The following ABI3BP variants were observed in gnomAD, a reference collection of about 807,000 sequenced individuals.
ABI3BP encodes the protein target of Nesh-SH3.
ABI3BP carries 216 observed loss-of-function variants against 268.6 expected under a neutral mutation model. The observed-to-expected ratio is 0.80, with a 90% CI of 0.72 to 0.90. The LOEUF is 0.90. Ranked by LOEUF, ABI3BP falls within the 40% of genes least tolerant of loss-of-function variation. The pLI is 0.00. For synonymous variants in ABI3BP, 730 were observed against 730.0 expected, an observed-to-expected ratio of 1.00 and a Z score of 0.00; for missense variants, 2,090 against 2,182.4, an observed-to-expected ratio of 0.96 and a Z score of 0.84.
intron 28 of ABI3BP, among the ~76,000 whole-genome samples, chr3:100,835,120 A>T (rs149959026): frequency 6.6e-4 from 101 of 152,326 alleles, no homozygotes; most frequent in African/African-American, 2.4e-3. Flanking sequence ...GGGAGAGCGT[A>T]CTAAGAAATT....
At chr3:100,753,968 CTT>C in intron 64 of ABI3BP, 120 bp from the exon 65 acceptor site, 1 of 1,018,654 alleles carries the variant, frequency 9.8e-7, no homozygotes, top group Non-Finnish European at 1.5e-6. Flanking sequence ...AAATGGTACT[CTT>C]TTGCTAAGGA....
intron 1 of ABI3BP, chr3:100,945,527 C>T: frequency 2.7e-6 from 1 of 371,256 alleles, no homozygotes; most frequent in Non-Finnish European, 5.3e-6. Context: ...TAGCTCTAGG[C>T]AACCACTGGT....
chr3:100,823,693 C>T (rs2098294625), intron 36 of ABI3BP, among the ~76,000 whole-genome samples, 179 bp from the exon 37 acceptor site: 2 of 152,086 alleles, frequency 1.3e-5, no homozygotes, highest in Admixed American at 1.3e-4. Context: ...AAACTATAGG[C>T]ATGGTGAGTC....
intron 24 of ABI3BP, among the ~76,000 whole-genome samples, chr3:100,838,895 T>C (rs2098649369): frequency 6.6e-6 from 1 of 152,166 alleles, no homozygotes; most frequent in South Asian, 2.1e-4. Flanking sequence ...TGGCTGCCGA[T>C]GTCTGGGATT....
At chr3:100,761,585 TA>T (rs2095952295) in intron 63 of ABI3BP, among the ~76,000 whole-genome samples, 1 of 152,132 alleles carries the variant, frequency 6.6e-6, no homozygotes, top group South Asian at 2.1e-4. Context: ...GCAGGCTAGA[TA>T]AAAACCTGCT....
At chr3:100,887,284 G>A (rs2042413211) in intron 4 of ABI3BP, among the ~76,000 whole-genome samples, 4 of 152,036 alleles carry the variant, frequency 2.6e-5, no homozygotes. Context: ...AGAACTACAT[G>A]TATCAATGTG....
intron 13 of ABI3BP, 190 bp from the exon 14 acceptor site, chr3:100,862,575 G>C (rs2099010018): frequency 1.7e-6 from 1 of 587,222 alleles, no homozygotes; most frequent in Admixed American, 3.3e-5. Flanking sequence ...TTAGTGGTCA[G>C]AGAGAGACCA....
At chr3:100,788,812 C>G (rs2097122184) in intron 56 of ABI3BP, among the ~76,000 whole-genome samples, 1 of 151,776 alleles carries the variant, frequency 6.6e-6, no homozygotes, top group African/African-American at 2.4e-5. Flanking sequence ...CTTTAAGAGT[C>G]CTTAGAATCA....
chr3:100,977,359 T>G (rs2086763395), intron 1 of ABI3BP, among the ~76,000 whole-genome samples: 1 of 152,196 alleles, frequency 6.6e-6, no homozygotes, highest in Non-Finnish European at 1.5e-5. Context: ...GATCAGGTAC[T>G]TGGGAGGAGC....
At chr3:100,758,958 C>G (rs1007267200) in intron 63 of ABI3BP, among the ~76,000 whole-genome samples, 6 of 152,150 alleles carry the variant, frequency 3.9e-5, no homozygotes, top group African/African-American at 1.4e-4. Context: ...GGAGCAGATG[C>G]TTGCCATTCC....
Position 100,862,894 on chromosome 3 carries a change from G to A in ABI3BP, c.1154C>T (p.Pro385Leu). 1 of 1,535,650 alleles carries A rather than the reference G, an allele frequency of 6.5e-7. No homozygotes were observed. Among genetic ancestry groups the A allele is most frequent in the Non-Finnish European group, 8.7e-7 (1 of 1,146,634 alleles). The change falls in exon 13 of 68, where the codon CCA becomes CTA. Residue 385 changes from proline to leucine, a missense_variant. Coordinates refer to ENST00000471714, the MANE Select transcript of ABI3BP (RefSeq NM_001375547.2). ...PLSTLAPKSL[P>L]EFPEAKTPFP... ...GGGTGTTTTTGCCTCAGGAAATTCT[G>A]GAAGGCTTTTTGGAGCTGTAATGAA...
chr3:100,843,904 A>G (rs2152961839), intron 20 of ABI3BP: 1 of 985,288 alleles, frequency 1.0e-6, no homozygotes, highest in East Asian at 1.1e-4. Flanking sequence ...CAAAAATTAA[A>G]GAACGTTGTT....
At chr3:100,844,311 A>G in intron 20 of ABI3BP, 2 of 985,466 alleles carry the variant, frequency 2.0e-6, no homozygotes, top group South Asian at 9.4e-5. Flanking sequence ...CTTAAAGATT[A>G]AACCATGAAG....
intron 63 of ABI3BP, among the ~76,000 whole-genome samples, chr3:100,755,297 T>A (rs1480568474): frequency 6.6e-6 from 1 of 152,198 alleles, no homozygotes; most frequent in Non-Finnish European, 1.5e-5. Context: ...GTTTGAGAAC[T>A]ACTAGACTAA....
chr3:100,974,536 GA>G (rs1244313004), intron 1 of ABI3BP, among the ~76,000 whole-genome samples: 1 of 152,124 alleles, frequency 6.6e-6, no homozygotes, highest in Non-Finnish European at 1.5e-5. Flanking sequence ...AGAATATTCT[GA>G]AAAAGGCAAA....
At chr3:100,820,424 C>T in intron 39 of ABI3BP, 121 bp from the exon 40 acceptor site, 1 of 660,220 alleles carries the variant, frequency 1.5e-6, no homozygotes, top group Non-Finnish European at 2.4e-6. Context: ...GGAAATTTGT[C>T]TTTTTAACTT....
chr3:100,832,442 AGAGTTT>A lies in ABI3BP; in HGVS notation c.2315-98_2315-93del, dbSNP rs1230810808. ...AGCTCTAAGTTTTAAAATACTTGTTAGAGTTTGAGTTGACAGAACTTTGTCATTTTC... is the reference window on the plus strand; with the variant it reads ...AGCTCTAAGTTTTAAAATACTTGTTAGAGTTGACAGAACTTTGTCATTTTC... On this transcript the variant is annotated intron_variant, in intron 30 of 67. Transcript: ENST00000471714. 3.3e-6 allele frequency: 4 copies of A among 1,210,966 alleles called. No individual in the cohort carries two copies. The East Asian group carries it at 7.7e-5, about 23-fold the overall frequency. 75.0% of individuals were successfully genotyped at this position (1,210,966 alleles called of 1,614,324 possible). A position where few individuals can be genotyped will look rare whatever the true frequency, so the allele number is the denominator to read the frequency against.
intron 57 of ABI3BP, among the ~76,000 whole-genome samples, chr3:100,786,548 AC>A (rs1345148417): frequency 6.6e-6 from 1 of 152,122 alleles, no homozygotes; most frequent in East Asian, 1.9e-4. Flanking sequence ...CAGCTACTTT[AC>A]TTGTTCTTTC....
chr3:100,819,673 C>T lies in ABI3BP; in HGVS notation c.3031+547G>A, dbSNP rs565845612. On this transcript the variant is annotated intron_variant, in intron 40 of 67. Coordinates refer to ENST00000471714, the MANE Select transcript of ABI3BP (RefSeq NM_001375547.2). ...AAATAAAAAGTAGTAAATAAGAGGC[C>T]GGGCGTGGTGGCTTACACCTGTAAT... Among the ~76,000 whole-genome samples the T allele has an allele frequency of 1.5e-4, 22 of 151,664 alleles. No individual in the cohort carries two copies. The South Asian group carries it at 4.6e-3, about 32-fold the overall frequency.
Sources: allele counts gnomAD v4.1 joint callset (sites outside exome capture counted in the v4.1 genomes callset), GRCh38; gene constraint gnomAD v4.1.1; transcripts MANE v1.5; gene names NCBI Gene and HGNC (gene_info 2026-07-23, HGNC 2026-07-21).